The following ERC1 variants were observed in gnomAD, a reference collection of about 807,000 sequenced individuals.
The protein encoded by ERC1 is RAB6 interacting protein 2.
In ERC1, 56 loss-of-function variants were observed where a neutral mutation model predicts 132.0. The observed-to-expected ratio is 0.42, with a 90% CI of 0.34 to 0.53. The LOEUF (loss-of-function observed/expected upper bound fraction) is 0.53. Ranked by LOEUF, ERC1 falls within the 20% of genes least tolerant of loss-of-function variation. ERC1 has a pLI of 0.03. For synonymous variants in ERC1, 478 were observed against 476.1 expected, an observed-to-expected ratio of 1.00 and a Z score of -0.05; for missense variants, 1,202 against 1,349.9, an observed-to-expected ratio of 0.89 and a Z score of 1.72.
intron 13 of ERC1, among the ~76,000 whole-genome samples, chr12:1,252,259 A>G (rs2076517627): frequency 6.6e-6 from 1 of 152,220 alleles, no homozygotes. Flanking sequence ...AGAAGCAGGT[A>G]TGCAAATAGT....
intron 12 of ERC1, among the ~76,000 whole-genome samples, chr12:1,232,880 C>T (rs2075148550): frequency 1.3e-5 from 2 of 150,070 alleles, no homozygotes; most frequent in African/African-American, 2.5e-5. Flanking sequence ...AACTGTAAAC[C>T]GAATACATGG....
At chr12:1,122,007 A>C (rs56249056) in intron 7 of ERC1, among the ~76,000 whole-genome samples, 1 of 1,776 alleles carries the variant, frequency 5.6e-4, no homozygotes, top group African/African-American at 6.2e-4. Context: ...CTCTATCTCT[A>C]TCTATCTCTA....
chr12:1,343,706 A>T (rs923762616), intron 15 of ERC1, among the ~76,000 whole-genome samples: 1 of 152,106 alleles, frequency 6.6e-6, no homozygotes, highest in Non-Finnish European at 1.5e-5. Context: ...CATTCTTCAT[A>T]TTACTAGGAA....
chr12:1,244,633 T>TG (rs1301563815), intron 13 of ERC1: 2 of 431,444 alleles, frequency 4.6e-6, no homozygotes, highest in Non-Finnish European at 9.4e-6. Context: ...GTGATTCTCA[T>TG]GCCTCAGCCA....
rs376490258 is a variant in ERC1 at position 1,309,324 on chromosome 12, A to T, written c.2780+19312A>T. Among the ~76,000 whole-genome samples, 5 of 152,344 alleles carry T rather than the reference A, an allele frequency of 3.3e-5. No homozygotes were observed. In the South Asian group the frequency reaches 6.2e-4, roughly 19 times the overall value. ...GACAGCACTGTGTTTCTCAAAATTT[A>T]AAATGCTCTGCAGTACCCCTGTGAG... On this transcript the variant is annotated intron_variant, in intron 15 of 18. Coordinates refer to ENST00000360905, the MANE Select transcript of ERC1 (RefSeq NM_178040.4).
chr12:1,102,689 CT>C (rs1000402796), intron 3 of ERC1, among the ~76,000 whole-genome samples: 3 of 152,182 alleles, frequency 2.0e-5, no homozygotes, highest in East Asian at 1.9e-4. Context: ...AAACAAAGAT[CT>C]TAGCTTTTGT....
chr12:1,389,231 G>C (rs1477052766), intron 16 of ERC1, among the ~76,000 whole-genome samples: 3 of 152,158 alleles, frequency 2.0e-5, no homozygotes, highest in African/African-American at 7.2e-5. Context: ...TTGAATTCGA[G>C]GTTATTTATA....
chr12:1,426,288 A>C (rs1346413732), intron 17 of ERC1, among the ~76,000 whole-genome samples: 5 of 152,078 alleles, frequency 3.3e-5, no homozygotes, highest in Non-Finnish European at 7.4e-5. Flanking sequence ...TATTCTTAGT[A>C]GAGACAGGTT....
intron 2 of ERC1, among the ~76,000 whole-genome samples, chr12:1,052,507 A>T (rs1972198060): frequency 6.6e-6 from 1 of 152,186 alleles, no homozygotes; most frequent in South Asian, 2.1e-4. Flanking sequence ...TCTGGGCTTG[A>T]GATAAGTGCT....
rs1180170389 is a variant in ERC1, at chr12:1,028,037, G to T, written c.134G>T (p.Ser45Ile). Reference sequence around the variant, plus strand: ...AGTACGGGAGGGAGTTCGGGAAGCAGTGTTGGAGGTGGCAGTGGGAAAACC... The same window carrying T: ...AGTACGGGAGGGAGTTCGGGAAGCATTGTTGGAGGTGGCAGTGGGAAAACC... ...TNSTGGSSGS[S>I]VGGGSGKTLS... is the part of the protein sequence containing the mutation. Residue 45 changes from serine to isoleucine, a missense_variant, in exon 2 of 19, where the codon AGT becomes ATT. Ser to Ile is a moderately radical substitution (Grantham distance 142, BLOSUM62 -2). Transcript: ENST00000360905. The T allele has an allele frequency of 6.2e-7, 1 of 1,614,206 alleles. No individual in the cohort carries two copies. The highest frequency in any genetic ancestry group is 1.1e-5 in the South Asian group (1 of 91,090).
intron 1 of ERC1, among the ~76,000 whole-genome samples, chr12:1,023,335 C>T (rs538321505): frequency 5.7e-4 from 86 of 152,112 alleles, no homozygotes; most frequent in Non-Finnish European, 8.7e-4. Context: ...TTTGGGAGGA[C>T]TCTCAGGCTC....
chr12:1,465,186 G>A (rs556943062), intron 18 of ERC1, among the ~76,000 whole-genome samples: 8 of 152,264 alleles, frequency 5.3e-5, no homozygotes, highest in South Asian at 2.1e-4. Flanking sequence ...CAACTAAGCT[G>A]AGAAGAAAAT....
At chr12:1,437,992 G>C (rs942191730) in intron 17 of ERC1, among the ~76,000 whole-genome samples, 2 of 152,136 alleles carry the variant, frequency 1.3e-5, no homozygotes, top group Admixed American at 1.3e-4. Flanking sequence ...TCTACTTTTA[G>C]AACCAGATAT....
At chr12:1,337,657 C>A (rs575658415) in intron 15 of ERC1, among the ~76,000 whole-genome samples, 1 of 152,258 alleles carries the variant, frequency 6.6e-6, no homozygotes, top group Admixed American at 6.5e-5. Context: ...TACTTAAATG[C>A]GTTTTTGAAG....
chr12:1,047,109 T>C (rs934119533), intron 2 of ERC1, among the ~76,000 whole-genome samples: 1 of 152,168 alleles, frequency 6.6e-6, no homozygotes, highest in African/African-American at 2.4e-5. Context: ...GTCCTACTTA[T>C]TGATGTCCTA....
At chr12:1,206,441 A>G (rs978349491) in intron 12 of ERC1, among the ~76,000 whole-genome samples, 6 of 151,902 alleles carry the variant, frequency 3.9e-5, no homozygotes, top group African/African-American at 1.4e-4. Context: ...AAACATTTCT[A>G]TTTTGCAGAG....
At chr12:1,266,260 C>A (rs1348707409) in intron 14 of ERC1, among the ~76,000 whole-genome samples, 1 of 152,028 alleles carries the variant, frequency 6.6e-6, no homozygotes, top group Non-Finnish European at 1.5e-5. Context: ...TGCATGAGAC[C>A]AGTTATTTGA....
intron 18 of ERC1, among the ~76,000 whole-genome samples, chr12:1,456,921 A>G (rs1350912511): frequency 6.6e-6 from 1 of 152,238 alleles, no homozygotes; most frequent in Non-Finnish European, 1.5e-5. Flanking sequence ...TGAAGCCAGG[A>G]GTGAGCTCGC....
intron 15 of ERC1, among the ~76,000 whole-genome samples, chr12:1,354,810 T>G (rs2085366525): frequency 6.6e-6 from 1 of 151,994 alleles, no homozygotes; most frequent in Non-Finnish European, 1.5e-5. Context: ...GCCCGGCTAG[T>G]TTTTGTGTTT....
Sources: gnomAD v4.1 joint callset for allele counts (sites outside exome capture counted in the v4.1 genomes callset) on GRCh38, gnomAD v4.1.1 for gene constraint, MANE v1.5 for transcripts, NCBI Gene and HGNC (gene_info 2026-07-23, HGNC 2026-07-21) for gene names.